Variants in MSR1 observed in about 807,000 individuals in gnomAD.
MSR1 encodes macrophage scavenger receptor types I and II.
MSR1 carries 53 observed loss-of-function variants against 47.2 expected under a neutral mutation model. The ratio of observed to expected loss-of-function variants is 1.12; its 90% CI spans 0.90 to 1.41. MSR1 has a LOEUF of 1.41. MSR1 is among the 40% of genes most tolerant of loss of function. The probability of loss-of-function intolerance (pLI) is 0.00; values close to 1 mark genes in which losing one functional copy is unlikely to be tolerated. For missense variants in MSR1, 786 were observed against 546.9 expected, an observed-to-expected ratio of 1.44 and a Z score of -4.36; for synonymous variants, 239 against 185.6, an observed-to-expected ratio of 1.29 and a Z score of -2.34.
intron 1 of MSR1, among the ~76,000 whole-genome samples, chr8:16,178,925 T>C (rs1801741788): frequency 6.6e-6 from 1 of 152,142 alleles, no homozygotes; most frequent in Admixed American, 6.5e-5. Flanking sequence ...ATAAATAACA[T>C]TTAATTTTAG....
chr8:16,184,476 T>G (rs993068461), intron 1 of MSR1, among the ~76,000 whole-genome samples: 6 of 152,142 alleles, frequency 3.9e-5, no homozygotes, highest in Admixed American at 6.6e-5. Context: ...CTATTTATGC[T>G]TTTTCTCTAA....
chr8:16,152,070 T>C (rs1367634706), intron 6 of MSR1, among the ~76,000 whole-genome samples: 3 of 152,136 alleles, frequency 2.0e-5, no homozygotes, highest in African/African-American at 7.2e-5. Context: ...TGTTAGCTTT[T>C]CTTGTTCTCC....
chr8:16,180,676 G>T (rs1801802781), intron 1 of MSR1, among the ~76,000 whole-genome samples: 1 of 152,156 alleles, frequency 6.6e-6, no homozygotes. Flanking sequence ...GAAATGAAGG[G>T]CGATCATTCA....
chr8:16,135,596 C>T (rs1053010956), intron 8 of MSR1, among the ~76,000 whole-genome samples: 1 of 152,094 alleles, frequency 6.6e-6, no homozygotes, highest in African/African-American at 2.4e-5. Context: ...GCCCATGGAT[C>T]CAGGATTAAT....
Position 16,188,988 on chromosome 8 carries a change from ATATATATAT to A in MSR1, c.-5+3601_-5+3609del, listed in dbSNP as rs1437220472. ...CATACATATATATATATATATATAT[ATATATATAT>A]AAAACAACATATATATATGTGTTGA... On this transcript the variant is annotated intron_variant, in intron 1 of 9. Coordinates refer to ENST00000262101, the MANE Select transcript of MSR1 (RefSeq NM_138715.3). Among the ~76,000 whole-genome samples the A allele has an allele frequency of 2.7e-5, 4 of 146,096 alleles. No homozygotes were observed. The East Asian group carries it at 7.9e-4, about 29-fold the overall frequency.
intron 9 of MSR1, among the ~76,000 whole-genome samples, chr8:16,110,940 A>G (rs1028986736): frequency 1.3e-5 from 2 of 152,144 alleles, no homozygotes; most frequent in African/African-American, 2.4e-5. Flanking sequence ...TGAGGTGTTT[A>G]TAACAGTATT....
rs1219452417 is a variant in MSR1, at chr8:16,150,317, T to A, written c.899-6A>T. The stretch of plus-strand genomic sequence containing the variant: ...ACCTTTAAGACCCGGAGGACCTACA[T>A]TATTAACGAAGAAAAAAAGAAGGTA... On this transcript the variant is annotated splice_polypyrimidine_tract_variant and splice_region_variant and intron_variant, in intron 6 of 9. Transcript: ENST00000262101. The A allele has an allele frequency of 6.5e-7, 1 of 1,543,588 alleles. No individual in the cohort carries two copies. Among genetic ancestry groups the A allele is most frequent in the Admixed American group, 1.8e-5 (1 of 55,144 alleles).
chr8:16,121,416 A>G (rs1038225444), intron 8 of MSR1, among the ~76,000 whole-genome samples: 3 of 152,148 alleles, frequency 2.0e-5, no homozygotes, highest in East Asian at 3.9e-4. Context: ...TAAATATGAA[A>G]TGGCTCTTTT....
chr8:16,150,438 T>A (rs565742354), intron 6 of MSR1, 127 bp from the exon 7 acceptor site: 31 of 387,738 alleles, frequency 8.0e-5, no homozygotes, highest in African/African-American at 6.1e-4. Flanking sequence ...AGGAATAATA[T>A]CTTTCCTAAA....
intron 3 of MSR1, among the ~76,000 whole-genome samples, chr8:16,174,261 T>A (rs1380392828): frequency 6.6e-6 from 1 of 152,054 alleles, no homozygotes; most frequent in Admixed American, 6.6e-5. Flanking sequence ...TTTTTGTTGT[T>A]GTTGTTAAAC....
At chr8:16,149,278 T>C (rs1800781328) in intron 7 of MSR1, among the ~76,000 whole-genome samples, 1 of 152,114 alleles carries the variant, frequency 6.6e-6, no homozygotes, top group African/African-American at 2.4e-5. Context: ...TGTGCATGGG[T>C]GGTTTATGGG....
Position 16,186,026 on chromosome 8 carries a change from T to G in MSR1, c.-5+6572A>C, listed in dbSNP as rs912664384. On this transcript the variant is annotated intron_variant, in intron 1 of 9. Coordinates refer to ENST00000262101, the MANE Select transcript of MSR1 (RefSeq NM_138715.3). ...AAGTTCGTGGCCTGCAAGAAATCCA[T>G]AACCTGCCACATAGAATTTAAGTTG... 1.1e-5 allele frequency: 8 copies of G among 754,062 alleles called. No individual in the cohort carries two copies. In the African/African-American group the frequency reaches 1.4e-4, roughly 13 times the overall value. The allele number at this position is 754,062 out of a possible 1,614,324, so 46.7% of individuals were successfully genotyped here. A position where few individuals can be genotyped will look rare whatever the true frequency, so the allele number is the denominator to read the frequency against.
At chr8:16,140,727 T>C in intron 8 of MSR1, 1 of 1,405,866 alleles carries the variant, frequency 7.1e-7, no homozygotes. Flanking sequence ...CTCCAGTCCG[T>C]GCATGAGAGG....
At position 16,140,063 on chromosome 8, in the gene MSR1, G is replaced by A. The variant is rs1053756652; in HGVS notation, c.1033+3495C>T. The A allele has an allele frequency of 1.2e-4, 109 of 875,188 alleles. 2 individuals carry two copies. The highest frequency in any genetic ancestry group is 2.8e-5 in the Non-Finnish European group (21 of 738,476). The allele number at this position is 875,188 out of a possible 1,614,324, so 54.2% of individuals were successfully genotyped here. On this transcript the variant is annotated intron_variant, in intron 8 of 9. Transcript: ENST00000262101. The stretch of plus-strand genomic sequence containing the variant: ...TTAGCTGTTATGTCCAGCTCATGGA[G>A]GTACATAATGGACATGTGAATTAAT...
chr8:16,142,399 C>A (rs563219617), intron 8 of MSR1, among the ~76,000 whole-genome samples: 3 of 151,922 alleles, frequency 2.0e-5, no homozygotes, highest in African/African-American at 7.2e-5. Context: ...CATTAAAGAA[C>A]GAATGGATAG....
chr8:16,168,142 G>A (rs1801370410), intron 4 of MSR1, among the ~76,000 whole-genome samples: 1 of 152,056 alleles, frequency 6.6e-6, no homozygotes, highest in East Asian at 1.9e-4. Flanking sequence ...CACTTCTCAA[G>A]ATCTGCTAAG....
rs117245018 is a variant in MSR1, at chr8:16,127,632, C to T, written c.1034-7026G>A. Among the ~76,000 whole-genome samples, 572 of 150,552 alleles carry T rather than the reference C, an allele frequency of 3.8e-3. 5 individuals carry two copies. Among genetic ancestry groups the T allele is most frequent in the Non-Finnish European group, 5.4e-3 (364 of 67,948 alleles). On this transcript the variant is annotated intron_variant, in intron 8 of 9. Transcript: ENST00000262101. ...ATGCGGCATTCTTTCTTAGCCATGG[C>T]TAGATGTTAAGATAATGCCACACAA... is the stretch of plus-strand genomic sequence containing the variant.
Position 16,150,136 on chromosome 8 carries a change from GTGTGTATATA to G in MSR1, c.979+85_979+94del, listed in dbSNP as rs938698784. On this transcript the variant is annotated intron_variant, in intron 7 of 9. Transcript: ENST00000262101. ...ACATTATGTGTGTGTGTATGTGTGT[GTGTGTATATA>G]TATATATATATATATATATATATAT... The G allele has an allele frequency of 4.4e-4, 84 of 190,304 alleles. No individual in the cohort carries two copies. The East Asian group carries it at 4.4e-3, about 10-fold the overall frequency. The allele number at this position is 190,304 out of a possible 1,614,324, so 11.8% of individuals were successfully genotyped here. A position where few individuals can be genotyped will look rare whatever the true frequency, so the allele number is the denominator to read the frequency against.
chr8:16,190,718 TC>T (rs1802173985), intron 1 of MSR1, among the ~76,000 whole-genome samples: 1 of 142,938 alleles, frequency 7.0e-6, no homozygotes, highest in South Asian at 2.1e-4. Context: ...CTTTCTTTTT[TC>T]TTTCTTTCTT....
Sources: allele counts gnomAD v4.1 joint callset (sites outside exome capture counted in the v4.1 genomes callset), GRCh38; gene constraint gnomAD v4.1.1; transcripts MANE v1.5; gene names NCBI Gene and HGNC (gene_info 2026-07-23, HGNC 2026-07-21).